Variants in CAGE1 observed in about 807,000 individuals in gnomAD.
The protein encoded by CAGE1 is cancer antigen 1.
In CAGE1, 66 loss-of-function variants were observed where a neutral mutation model predicts 94.9. The ratio of observed to expected loss-of-function variants is 0.70; its 90% CI spans 0.57 to 0.85. The LOEUF is 0.85. Ranked by LOEUF, CAGE1 falls within the 40% of genes least tolerant of loss-of-function variation. The pLI is 0.00. For missense variants in CAGE1, 865 were observed against 950.4 expected (o/e 0.91, Z 1.18); for synonymous variants, 319 against 321.0 (o/e 0.99, Z 0.07).
rs182519878 is a variant in CAGE1 at position 7,339,584 on chromosome 6, C to T, written c.2370-5494G>A. 9.9e-4 allele frequency: 735 copies of T among 742,884 alleles called. 1 individual carries two copies. The highest frequency in any genetic ancestry group is 1.3e-3 in the South Asian group (91 of 70,086). The allele number at this position is 742,884 out of a possible 1,614,324, so 46.0% of individuals were successfully genotyped here. Reference sequence around the variant, plus strand: ...GTAAGGCGATCTTGCCGCCATGCTCCGCTGAAAGGAAAGGCACTGTATCAT... The same window carrying T: ...GTAAGGCGATCTTGCCGCCATGCTCTGCTGAAAGGAAAGGCACTGTATCAT... On this transcript the variant is annotated intron_variant, in intron 11 of 13. Transcript: ENST00000502583. The surrounding 1 kb of genome is among the most constrained non-coding windows in gnomAD (Gnocchi z 4.7).
chr6:7,355,789 AC>A, intron 10 of CAGE1, among the ~76,000 whole-genome samples: 1 of 152,256 alleles, frequency 6.6e-6, no homozygotes, highest in Non-Finnish European at 1.5e-5. Flanking sequence ...ATTGCTTGAG[AC>A]CAGGAGGTTG....
intron 4 of CAGE1, among the ~76,000 whole-genome samples, chr6:7,376,467 C>T (rs1760749249): frequency 6.6e-6 from 1 of 151,932 alleles, no homozygotes; most frequent in African/African-American, 2.4e-5. Flanking sequence ...CACTTGCTCC[C>T]TCGATCTCAC....
intron 11 of CAGE1, among the ~76,000 whole-genome samples, chr6:7,346,314 G>A (rs1759532581): frequency 3.3e-5 from 5 of 152,176 alleles, no homozygotes; most frequent in Admixed American, 3.3e-4. Context: ...CAGCACTTTG[G>A]GATGCCAAGG....
Position 7,378,713 on chromosome 6 carries a change from A to G in CAGE1, c.591T>C (p.Ser197=). The G allele has an allele frequency of 6.2e-7, 1 of 1,613,880 alleles. No individual in the cohort carries two copies. The highest frequency in any genetic ancestry group is 8.5e-7 in the Non-Finnish European group (1 of 1,179,828). ...TTTCTGTAAATTTCAGCATCTCTCC[A>G]CTGCAGTGGATTAGAGGCGGGCTTC... ...PPRSPPLIHC[S]GEMLKFTEKS... The change falls in exon 4 of 14, where the codon AGT becomes AGC. Residue 197 remains serine (S), a synonymous_variant. Coordinates refer to ENST00000502583, the MANE Select transcript of CAGE1 (RefSeq NM_001170692.2).
At chr6:7,337,108 G>A (rs1758980746) in intron 11 of CAGE1, among the ~76,000 whole-genome samples, 2 of 152,006 alleles carry the variant, frequency 1.3e-5, no homozygotes, top group Non-Finnish European at 2.9e-5. Context: ...GGATCATGAG[G>A]TCAGGAGTTC....
intron 9 of CAGE1, among the ~76,000 whole-genome samples, chr6:7,359,907 C>G (rs534576582): frequency 2.0e-5 from 3 of 152,292 alleles, no homozygotes; most frequent in Non-Finnish European, 2.9e-5. Flanking sequence ...AAGTGATTAT[C>G]TTATAGTTCT....
At chr6:7,371,016 A>G (rs1164521643) in intron 5 of CAGE1, among the ~76,000 whole-genome samples, 2 of 152,252 alleles carry the variant, frequency 1.3e-5, no homozygotes, top group Non-Finnish European at 2.9e-5. Flanking sequence ...ATTATATACT[A>G]TGCTAAATTT....
At chr6:7,372,788 C>T (rs1448026075) in intron 5 of CAGE1, among the ~76,000 whole-genome samples, 2 of 152,096 alleles carry the variant, frequency 1.3e-5, no homozygotes, top group Non-Finnish European at 2.9e-5. Flanking sequence ...CCCATCTCAA[C>T]CTCCCGAATA....
rs148845194 is a variant in CAGE1 at position 7,375,366 on chromosome 6, G to A, written c.688-1235C>T. Among the ~76,000 whole-genome samples, 1,458 of 147,572 alleles carry A rather than the reference G, an allele frequency of 9.9e-3. 16 individuals carry two copies. The highest frequency in any genetic ancestry group is 0.023 in the Middle Eastern group (6 of 260). On this transcript the variant is annotated intron_variant, in intron 4 of 13. Transcript: ENST00000502583. ...GGAGGCTACAGTGAGCCGAGATCAC[G>A]CCACTGCACTCCAGCCTGGGCGACA... is the stretch of plus-strand genomic sequence containing the variant.
chr6:7,352,306 C>CAAAAAAAAAAAAAAAAAAAAAAAAAA (rs796943772), intron 11 of CAGE1, among the ~76,000 whole-genome samples: 1 of 103,980 alleles, frequency 9.6e-6, no homozygotes, highest in Non-Finnish European at 1.8e-5. Flanking sequence ...AAAAAAAAAA[C>CAAAAAAAAAAAAAAAAAAAAAAAAAA]AAAAAAAAAC....
intron 4 of CAGE1, among the ~76,000 whole-genome samples, chr6:7,375,228 G>A (rs1339483899): frequency 6.6e-6 from 1 of 151,716 alleles, no homozygotes; most frequent in Non-Finnish European, 1.5e-5. Flanking sequence ...GGCCAACATG[G>A]TGAAACCCCA....
At chr6:7,377,105 T>C (rs916845782) in intron 4 of CAGE1, among the ~76,000 whole-genome samples, 2 of 152,210 alleles carry the variant, frequency 1.3e-5, no homozygotes, top group Non-Finnish European at 2.9e-5. Context: ...TGTGATTGAT[T>C]AATGACTACC....
At chr6:7,384,417 C>T (rs1017925793) in intron 3 of CAGE1, among the ~76,000 whole-genome samples, 1 of 152,056 alleles carries the variant, frequency 6.6e-6, no homozygotes, top group Admixed American at 6.6e-5. Context: ...GTATTATTTG[C>T]AAGTATTAAA....
At chr6:7,354,163 T>C (rs1027911634) in intron 11 of CAGE1, among the ~76,000 whole-genome samples, 1 of 152,176 alleles carries the variant, frequency 6.6e-6, no homozygotes, top group Non-Finnish European at 1.5e-5. Flanking sequence ...GATAGTTTGA[T>C]ATTATTTTTA....
At chr6:7,344,576 C>T (rs933768757) in intron 11 of CAGE1, among the ~76,000 whole-genome samples, 3 of 152,222 alleles carry the variant, frequency 2.0e-5, no homozygotes, top group Admixed American at 6.5e-5. Context: ...CAGTCCCATC[C>T]ACCACCCAAG....
At position 7,389,464 on chromosome 6, in the gene CAGE1, T is replaced by A; in HGVS notation, c.-286A>T. On this transcript the variant is annotated 5_prime_UTR_variant, in exon 1 of 14. Coordinates refer to ENST00000502583, the MANE Select transcript of CAGE1 (RefSeq NM_001170692.2). Reference sequence around the variant, plus strand: ...TGACGTCCGCCCGCGCCGGGGGAACTCCGCAGAGACAGGTGCAGCCCGCGA... The same window carrying A: ...TGACGTCCGCCCGCGCCGGGGGAACACCGCAGAGACAGGTGCAGCCCGCGA... 1 of 401,962 alleles carries A rather than the reference T, an allele frequency of 2.5e-6. No homozygotes were observed. The highest frequency in any genetic ancestry group is 5.0e-6 in the Non-Finnish European group (1 of 201,080). The allele number at this position is 401,962 out of a possible 1,614,324, so 24.9% of individuals were successfully genotyped here. A position where few individuals can be genotyped will look rare whatever the true frequency, so the allele number is the denominator to read the frequency against.
Position 7,379,025 on chromosome 6 carries a change from TAAGA to T in CAGE1, c.284-9_284-6del. ...AGTAATTTTCAATGTTGTTATCTCA[TAAGA>T]AAGAGAAAGAAGGAAATAAAAACGA... On this transcript the variant is annotated splice_polypyrimidine_tract_variant and splice_region_variant and intron_variant, in intron 3 of 13. Transcript: ENST00000502583. The T allele has an allele frequency of 6.7e-7, 1 of 1,484,736 alleles. No homozygotes were observed. Among genetic ancestry groups the T allele is most frequent in the Non-Finnish European group, 8.9e-7 (1 of 1,119,206 alleles). The allele number at this position is 1,484,736 out of a possible 1,614,324, so 92.0% of individuals were successfully genotyped here. A position where few individuals can be genotyped will look rare whatever the true frequency, so the allele number is the denominator to read the frequency against.
chr6:7,373,636 G>A lies in CAGE1; in HGVS notation c.1183C>T (p.His395Tyr), dbSNP rs1760630806. ...LEEVLANTQKHLQESRNDKEM... is the reference protein window; with the variant it reads ...LEEVLANTQKYLQESRNDKEM... ...TTGTCATTCCTGGATTCCTGAAGAT[G>A]TTTTTGCGTGTTAGCTAAAACCTCT... The change falls in exon 5 of 14, where the codon CAT (histidine) becomes TAT (tyrosine). Residue 395 changes from histidine to tyrosine, a missense_variant. By Grantham distance (83) the His-to-Tyr change is moderately conservative. Transcript: ENST00000502583. 6.2e-7 allele frequency: 1 copy of A among 1,613,314 alleles called. No individual in the cohort carries two copies. Among genetic ancestry groups the A allele is most frequent in the Admixed American group, 1.7e-5 (1 of 59,996 alleles).
Position 7,378,853 on chromosome 6 carries a change from C to A in CAGE1, c.451G>T (p.Ala151Ser). 1 of 1,612,296 alleles carries A rather than the reference C, an allele frequency of 6.2e-7. No individual in the cohort carries two copies. Among genetic ancestry groups the A allele is most frequent in the Non-Finnish European group, 8.5e-7 (1 of 1,178,934 alleles). ...TCTTGCTTTATATTGTTGTCTTTTGCATAATTATACACTTGACTTTGAAAT... is the reference window on the plus strand; with the variant it reads ...TCTTGCTTTATATTGTTGTCTTTTGAATAATTATACACTTGACTTTGAAAT... Reference protein sequence around the residue: ...PEFQSQVYNYAKDNNIKQDSF... With the variant: ...PEFQSQVYNYSKDNNIKQDSF... The change falls in exon 4 of 14, where the codon GCA becomes TCA. Residue 151 changes from alanine (A) to serine (S), a missense_variant. Coordinates refer to ENST00000502583, the MANE Select transcript of CAGE1 (RefSeq NM_001170692.2).
Sources: gnomAD v4.1 joint callset for allele counts (sites outside exome capture counted in the v4.1 genomes callset) on GRCh38, gnomAD v4.1.1 for gene constraint, Gnocchi (gnomAD v3.1) non-coding constraint, MANE v1.5 for transcripts, NCBI Gene and HGNC (gene_info 2026-07-23, HGNC 2026-07-21) for gene names.